PRRC2C: variants seen among roughly 807,000 people sequenced by gnomAD.
PRRC2C encodes protein PRRC2C.
A neutral mutation model predicts 317.2 loss-of-function variants in PRRC2C; 72 were observed. The ratio of observed to expected loss-of-function variants is 0.23; its 90% CI spans 0.19 to 0.28. The LOEUF (loss-of-function observed/expected upper bound fraction) is 0.28. PRRC2C is among the 10% of genes least tolerant of loss of function. The pLI is 1.00. For synonymous variants in PRRC2C, 1,296 were observed against 1,205.9 expected (o/e 1.07, Z -1.55); for missense variants, 3,074 against 3,459.7 (o/e 0.89, Z 2.80).
chr1:171,527,366 C>T (rs545010176), intron 10 of PRRC2C, among the ~76,000 whole-genome samples: 40 of 146,244 alleles, frequency 2.7e-4, no homozygotes, highest in Admixed American at 1.4e-3. Context: ...CTCCTGACCT[C>T]AGGTGATCCG....
intron 3 of PRRC2C, among the ~76,000 whole-genome samples, chr1:171,513,609 A>C (rs187635816): frequency 1.3e-5 from 2 of 152,326 alleles, no homozygotes; most frequent in Non-Finnish European, 2.9e-5. Flanking sequence ...GTAGCAAGAA[A>C]GTTAGGATAG....
At chr1:171,569,740 A>C (rs1169535558) in intron 23 of PRRC2C, among the ~76,000 whole-genome samples, 2 of 151,144 alleles carry the variant, frequency 1.3e-5, no homozygotes. Context: ...ATCTCAATAA[A>C]GTTTAATTAT....
chr1:171,514,570 G>A lies in PRRC2C; in HGVS notation c.325G>A (p.Gly109Arg). Residue 109 changes from glycine (G) to arginine (R), a missense_variant, in exon 4 of 35, where the codon GGG (glycine) becomes AGG (arginine). Physicochemically the swap from Gly to Arg is moderately radical, Grantham distance 125 (BLOSUM62 -2). Around this residue, in one of 11 missense-constraint regions of PRRC2C, gnomAD observed 237 missense variants for 199.5 expected, o/e 1.19. Transcript: ENST00000647382. Reference protein sequence around the residue: ...PEVPPAQPKPGVAAPPEVAPA... With the variant: ...PEVPPAQPKPRVAAPPEVAPA... Reference sequence around the variant, plus strand: ...AGTGCCACCAGCACAGCCAAAACCTGGGGTTGCAGCTCCCCCAGAAGTAGC... The same window carrying A: ...AGTGCCACCAGCACAGCCAAAACCTAGGGTTGCAGCTCCCCCAGAAGTAGC... 3.2e-6 allele frequency: 5 copies of A among 1,559,678 alleles called. No individual in the cohort carries two copies. Among genetic ancestry groups the A allele is most frequent in the Non-Finnish European group, 4.3e-6 (5 of 1,151,872 alleles).
Position 171,535,375 on chromosome 1 carries a change from T to C in PRRC2C, c.1874-53T>C, listed in dbSNP as rs758141643. 1.5e-5 allele frequency: 23 copies of C among 1,495,728 alleles called. 1 individual carries two copies. In the South Asian group the frequency reaches 2.7e-4, roughly 18 times the overall value. 92.7% of individuals were successfully genotyped at this position (1,495,728 alleles called of 1,614,324 possible). On this transcript the variant is annotated intron_variant, in intron 12 of 34. Coordinates refer to ENST00000647382, the MANE Select transcript of PRRC2C (RefSeq NM_001387844.1). The stretch of plus-strand genomic sequence containing the variant: ...CCTCAGTCTTTGTAAAAATCCTGTG[T>C]TTGATAAGTGTCATAGATGAATACT...
chr1:171,517,572 T>G lies in PRRC2C; in HGVS notation c.527-19T>G. 6.3e-7 allele frequency: 1 copy of G among 1,588,732 alleles called. No individual in the cohort carries two copies. The highest frequency in any genetic ancestry group is 1.1e-5 in the South Asian group (1 of 89,136). ...TTCAGATTTTTATCTTTTTCCTTTT[T>G]TCTCTGCCTTCATACTAGATGTTGC... On this transcript the variant is annotated intron_variant, in intron 5 of 34. Coordinates refer to ENST00000647382, the MANE Select transcript of PRRC2C (RefSeq NM_001387844.1).
Position 171,566,847 on chromosome 1 carries a change from A to G in PRRC2C, c.6558+4A>G, listed in dbSNP as rs1455619927. The G allele has an allele frequency of 6.2e-7, 1 of 1,606,318 alleles. No individual in the cohort carries two copies. Among genetic ancestry groups the G allele is most frequent in the Non-Finnish European group, 8.5e-7 (1 of 1,176,588 alleles). On this transcript the variant is annotated splice_donor_region_variant and intron_variant, in intron 22 of 34. Coordinates refer to ENST00000647382, the MANE Select transcript of PRRC2C (RefSeq NM_001387844.1). ...AGAATATGGTACTAATGCAAAGGTAAGCCACATGTAGGGATTACCAGTTCA... is the reference window on the plus strand; with the variant it reads ...AGAATATGGTACTAATGCAAAGGTAGGCCACATGTAGGGATTACCAGTTCA...
Position 171,550,229 on chromosome 1 carries a change from C to G in PRRC2C, c.5116C>G (p.Gln1706Glu), listed in dbSNP as rs1366780838. The G allele has an allele frequency of 1.9e-6, 3 of 1,595,386 alleles. No homozygotes were observed. The highest frequency in any genetic ancestry group is 3.5e-5 in the Admixed American group (2 of 56,900). Residue 1706 changes from glutamine to glutamate, a missense_variant, in exon 18 of 35, where the codon CAA becomes GAA. Gln to Glu is a conservative substitution (Grantham distance 29, BLOSUM62 2). Transcript: ENST00000647382. Reference sequence around the variant, plus strand: ...TGAAGAACGCCGAAAGAAGGAAGAACAAGTCATACAGGTTTAAATCTTGTT... The same window carrying G: ...TGAAGAACGCCGAAAGAAGGAAGAAGAAGTCATACAGGTTTAAATCTTGTT... The part of the protein sequence containing the change: ...QDEERRKKEE[Q>E]VIQVWNKKNA...
intron 2 of PRRC2C, chr1:171,512,650 A>G (rs1376504025): frequency 8.5e-6 from 2 of 234,508 alleles, no homozygotes; most frequent in Non-Finnish European, 1.7e-5. Flanking sequence ...TATTAACAGT[A>G]TTCTTTATGA....
In PRRC2C at chr1:171,563,516, G is replaced by A. The variant is rs189780799; in HGVS notation, c.6117+2413G>A. ...AAATAAGGAGAGCCAACTGTATAAA[G>A]AACTTGAACGTCATTTTGCTATAAA... On this transcript the variant is annotated intron_variant, in intron 20 of 34. Transcript: ENST00000647382. Among the ~76,000 whole-genome samples, 11 of 152,186 alleles carry A rather than the reference G, an allele frequency of 7.2e-5. No homozygotes were observed. In the East Asian group the frequency reaches 1.9e-3, roughly 27 times the overall value.
intron 34 of PRRC2C, among the ~76,000 whole-genome samples, 165 bp downstream of exon 34, chr1:171,589,770 A>T (rs561569621): frequency 6.8e-6 from 1 of 147,574 alleles, no homozygotes; most frequent in African/African-American, 2.5e-5. Flanking sequence ...TTTTTCCCCC[A>T]TTCCCATTCC....
chr1:171,532,812 A>C lies in PRRC2C; in HGVS notation c.1724A>C (p.Lys575Thr), dbSNP rs774744495. The change falls in exon 12 of 35, where the codon AAG (lysine) becomes ACG (threonine). Residue 575 changes from lysine (K) to threonine (T), a missense_variant. By Grantham distance (78) the Lys-to-Thr change is moderately conservative (BLOSUM62 -1). Transcript: ENST00000647382. ...AAAGAACTAGAACGGCAGAAAGAAA[A>C]GGAAAAAGAACTACAAAAGATGAAA... Reference protein sequence around the residue: ...KEKELERQKEKEKELQKMKEQ... With the variant: ...KEKELERQKETEKELQKMKEQ... 5 of 1,585,584 alleles carry C rather than the reference A, an allele frequency of 3.2e-6. No individual in the cohort carries two copies. The highest frequency in any genetic ancestry group is 8.6e-7 in the Non-Finnish European group (1 of 1,168,534).
chr1:171,490,930 T>G (rs1667031903), intron 1 of PRRC2C, among the ~76,000 whole-genome samples: 1 of 152,238 alleles, frequency 6.6e-6, no homozygotes, highest in African/African-American at 2.4e-5. Context: ...TAACCTGGCT[T>G]AAGTTTTAAA....
chr1:171,499,060 T>G (rs1668623361), intron 1 of PRRC2C, among the ~76,000 whole-genome samples: 1 of 152,236 alleles, frequency 6.6e-6, no homozygotes, highest in Non-Finnish European at 1.5e-5. Context: ...TCCTCCCTCC[T>G]TGGCTTCCCA....
intron 19 of PRRC2C, among the ~76,000 whole-genome samples, chr1:171,558,637 T>C (rs1279768720): frequency 6.6e-6 from 1 of 152,190 alleles, no homozygotes; most frequent in Admixed American, 6.5e-5. Context: ...AATAAGATAG[T>C]GAACTTAATT....
At chr1:171,497,543 C>T (rs750659550) in intron 1 of PRRC2C, among the ~76,000 whole-genome samples, 1 of 152,132 alleles carries the variant, frequency 6.6e-6, no homozygotes, top group Non-Finnish European at 1.5e-5. Context: ...ACAGTCATGG[C>T]TCACTGTAGC....
intron 6 of PRRC2C, among the ~76,000 whole-genome samples, chr1:171,521,435 G>GAGA (rs1673531539): frequency 6.6e-6 from 1 of 152,172 alleles, no homozygotes; most frequent in African/African-American, 2.4e-5. Context: ...ACAGAGAACA[G>GAGA]TATCTGGACC....
chr1:171,539,895 G>T, intron 15 of PRRC2C, 76 bp from the exon 16 acceptor site: 1 of 1,194,878 alleles, frequency 8.4e-7, no homozygotes, highest in South Asian at 1.5e-5. Flanking sequence ...CTGTTTTAGA[G>T]GGATTATTTT....
At chr1:171,496,199 C>CTTTTTTTTTTTTTTTTTTTTTTTTTT (rs528654548) in intron 1 of PRRC2C, among the ~76,000 whole-genome samples, 1 of 75,662 alleles carries the variant, frequency 1.3e-5, no homozygotes, top group Non-Finnish European at 2.2e-5. Context: ...ATTTTTGTGC[C>CTTTTTTTTTTTTTTTTTTTTTTTTTT]TTTTTTTTTT....
rs1196709751 is a variant in PRRC2C at position 171,540,844 on chromosome 1, A to G, written c.3378A>G (p.Gln1126=). Residue 1126 remains glutamine (Q), a synonymous_variant, in exon 16 of 35, where the codon CAA becomes CAG. Coordinates refer to ENST00000647382, the MANE Select transcript of PRRC2C (RefSeq NM_001387844.1). ...AGCCTGCAGTTAAGACTGTAAACCA[A>G]CAGACTATGGCAGCACCAGTAGTCA... ...QVEPAVKTVN[Q]QTMAAPVVKE... 1.2e-6 allele frequency: 2 copies of G among 1,613,752 alleles called. No homozygotes were observed. The highest frequency in any genetic ancestry group is 1.7e-6 in the Non-Finnish European group (2 of 1,179,824).
Sources: allele counts gnomAD v4.1 joint callset (sites outside exome capture counted in the v4.1 genomes callset), GRCh38; gene constraint gnomAD v4.1.1; regional missense constraint gnomAD v4.1.1; transcripts MANE v1.5; gene names NCBI Gene and HGNC (gene_info 2026-07-23, HGNC 2026-07-21).